The following CD1B variants were observed in gnomAD, a reference collection of about 807,000 sequenced individuals.
CD1B encodes CD1b molecule, also known as T-cell surface glycoprotein CD1b.
CD1B carries 43 observed loss-of-function variants against 39.8 expected under a neutral mutation model. The ratio of observed to expected loss-of-function variants is 1.08; its 90% CI spans 0.85 to 1.39. The LOEUF is 1.39. CD1B is among the 40% of genes most tolerant of loss of function. The pLI is 0.00. For missense variants in CD1B, 495 were observed against 403.8 expected (o/e 1.23, Z -1.94); for synonymous variants, 192 against 152.5 (o/e 1.26, Z -1.91).
At chr1:158,303,290 T>C in the CD1B span, among the ~76,000 whole-genome samples, 1 of 152,060 alleles carries the variant, frequency 6.6e-6, no homozygotes, top group Non-Finnish European at 1.5e-5. Context: ...TCAAAACAAT[T>C]AGAGGCATCT....
chr1:158,291,386 A>G, the CD1B span: 1 of 1,613,736 alleles, frequency 6.2e-7, no homozygotes. Flanking sequence ...CATGCAAGTC[A>G]AGATTACTCG....
intron 2 of CD1B, chr1:158,330,441 G>C: frequency 1.8e-6 from 1 of 556,234 alleles, no homozygotes; most frequent in Non-Finnish European, 3.2e-6. Flanking sequence ...AGGAGGGTGC[G>C]GGGAGGAGAT....
At chr1:158,295,955 A>G in the CD1B span, among the ~76,000 whole-genome samples, 1 of 152,046 alleles carries the variant, frequency 6.6e-6, no homozygotes, top group Non-Finnish European at 1.5e-5. Context: ...AGACCTCACC[A>G]CTGCTGCACT....
rs1312599059 is a variant in CD1B, at chr1:158,330,003, G to A, written c.456C>T (p.Ser152=). 6.2e-7 allele frequency: 1 copy of A among 1,613,892 alleles called. No homozygotes were observed. Among genetic ancestry groups the A allele is most frequent in the Non-Finnish European group, 8.5e-7 (1 of 1,179,990 alleles). The part of the protein sequence containing the change: ...LSVKNASCVP[S]PEGGSRAQKF... ...TCTGTGCCCTGCTGCCACCTTCTGG[G>A]GAAGGCACACATGAAGCATTCTTGA... Residue 152 remains serine (S), a synonymous_variant, in exon 3 of 6, where the codon TCC becomes TCT. Coordinates refer to ENST00000368168, the MANE Select transcript of CD1B (RefSeq NM_001764.3).
At chr1:158,305,452 T>C in the CD1B span, among the ~76,000 whole-genome samples, 2 of 152,232 alleles carry the variant, frequency 1.3e-5, no homozygotes, top group Non-Finnish European at 2.9e-5. Flanking sequence ...AATCTATGTC[T>C]GATTGGTGTA....
At chr1:158,314,851 C>A in the CD1B span, among the ~76,000 whole-genome samples, 2 of 145,794 alleles carry the variant, frequency 1.4e-5, no homozygotes, top group Non-Finnish European at 3.0e-5. Flanking sequence ...GTTCCCCTTC[C>A]TGTGTCCATG....
At chr1:158,320,668 C>T in the CD1B span, among the ~76,000 whole-genome samples, 1 of 152,120 alleles carries the variant, frequency 6.6e-6, no homozygotes, top group Non-Finnish European at 1.5e-5. Flanking sequence ...CCTATTTGGC[C>T]ATCTTGGCTC....
At chr1:158,289,791 G>T in the CD1B span, 3,261 of 369,328 alleles carry the variant, frequency 8.8e-3, 96 homozygotes, top group African/African-American at 0.061. Context: ...GTCTAAGGCA[G>T]TTGAGGAAGG....
At chr1:158,330,746 G>T in intron 2 of CD1B, 50 bp downstream of exon 2, 1 of 1,587,286 alleles carries the variant, frequency 6.3e-7, no homozygotes. Context: ...GCAAAAAAGA[G>T]AGAAAAGAGA....
At chr1:158,317,878 A>G in the CD1B span, among the ~76,000 whole-genome samples, 2,213 of 152,036 alleles carry the variant, frequency 0.015, 54 homozygotes, top group African/African-American at 0.048. Context: ...GTTCTTGTTC[A>G]TTTCAAAGAA....
At chr1:158,316,215 G>A in the CD1B span, among the ~76,000 whole-genome samples, 1 of 151,990 alleles carries the variant, frequency 6.6e-6, no homozygotes, top group Non-Finnish European at 1.5e-5. Flanking sequence ...TAGCTTGATG[G>A]GGATGGCATT....
the CD1B span, among the ~76,000 whole-genome samples, chr1:158,309,762 A>T: frequency 7.0e-6 from 1 of 142,008 alleles, no homozygotes; most frequent in Non-Finnish European, 1.5e-5. Context: ...GTTCTCACTC[A>T]CCGGTGGGAA....
the CD1B span, among the ~76,000 whole-genome samples, chr1:158,321,262 T>C: frequency 6.6e-6 from 1 of 152,236 alleles, no homozygotes; most frequent in African/African-American, 2.4e-5. Flanking sequence ...TTAATTAGCA[T>C]ATTTGTCTTT....
At chr1:158,316,030 T>G in the CD1B span, among the ~76,000 whole-genome samples, 1 of 152,066 alleles carries the variant, frequency 6.6e-6, no homozygotes. Flanking sequence ...TCTGTTTTGG[T>G]TCCAGTACCA....
chr1:158,325,982 T>C (rs1336079604), downstream of CD1B, among the ~76,000 whole-genome samples: 2 of 152,196 alleles, frequency 1.3e-5, no homozygotes, highest in African/African-American at 4.8e-5. Flanking sequence ...TTTTTTATTT[T>C]TTCTTGAGAC....
rs762771448 is a variant in CD1B at position 158,328,900 on chromosome 1, A to T, written c.980+21T>A. On this transcript the variant is annotated intron_variant, in intron 5 of 5. Coordinates refer to ENST00000368168, the MANE Select transcript of CD1B (RefSeq NM_001764.3). The stretch of plus-strand genomic sequence containing the variant: ...CAGAAAAGACATATTAAAAAAAAAA[A>T]CAACACCACCCACAACTCACCGGCG... 5.8e-6 allele frequency: 9 copies of T among 1,539,086 alleles called. 1 individual carries two copies. In the Middle Eastern group the frequency reaches 5.2e-4, roughly 90 times the overall value.
chr1:158,318,866 C>CA, the CD1B span, among the ~76,000 whole-genome samples: 1 of 152,168 alleles, frequency 6.6e-6, no homozygotes, highest in African/African-American at 2.4e-5. Flanking sequence ...CTGTTGGTGA[C>CA]AAAATCTTTC....
At chr1:158,309,168 A>G in the CD1B span, among the ~76,000 whole-genome samples, 7 of 152,188 alleles carry the variant, frequency 4.6e-5, no homozygotes, top group African/African-American at 7.2e-5. Context: ...AAAAGTGGGC[A>G]AAGGATATGA....
rs3176841 is a variant in CD1B at position 158,329,154 on chromosome 1, C to A, written c.887-140G>T. Reference sequence around the variant, plus strand: ...TATTCCTGGCCACCATATATCCATCCTTTGATCCCCTCTACCCAGTTTACA... The same window carrying A: ...TATTCCTGGCCACCATATATCCATCATTTGATCCCCTCTACCCAGTTTACA... On this transcript the variant is annotated intron_variant, in intron 4 of 5. Transcript: ENST00000368168. The A allele has an allele frequency of 5.7e-3, 5,244 of 918,252 alleles. 174 individuals are homozygous for A. The African/African-American group carries it at 0.075, about 13-fold the overall frequency. The allele number at this position is 918,252 out of a possible 1,614,324, so 56.9% of individuals were successfully genotyped here. A position where few individuals can be genotyped will look rare whatever the true frequency, so the allele number is the denominator to read the frequency against.
Sources: allele counts gnomAD v4.1 joint callset (sites outside exome capture counted in the v4.1 genomes callset), GRCh38; gene constraint gnomAD v4.1.1; transcripts MANE v1.5; gene names NCBI Gene and HGNC (gene_info 2026-07-23, HGNC 2026-07-21).